FCAR: variants seen among roughly 807,000 people sequenced by gnomAD.
The protein encoded by FCAR is immunoglobulin alpha Fc receptor.
Under a neutral mutation model 27.1 loss-of-function variants are expected in FCAR, and 21 were observed. The ratio of observed to expected loss-of-function variants is 0.77; its 90% CI spans 0.55 to 1.11. The LOEUF is 1.11. Among genes scored for constraint, FCAR ranks in the 50% most tolerant of loss-of-function variants. FCAR has a pLI of 0.00. For synonymous variants in FCAR, 134 were observed against 135.8 expected (o/e 0.99, Z 0.09); for missense variants, 404 against 358.4 (o/e 1.13, Z -1.03).
At chr19:54,877,916 A>ATTTTTTTTTTTTTTTTTTTTT (rs757104692) in intron 2 of FCAR, among the ~76,000 whole-genome samples, 2 of 143,464 alleles carry the variant, frequency 1.4e-5, no homozygotes. Flanking sequence ...TTTGCTAAGG[A>ATTTTTTTTTTTTTTTTTTTTT]TTGTTTTTTT....
intron 2 of FCAR, among the ~76,000 whole-genome samples, chr19:54,878,001 C>T (rs1020046260): frequency 1.3e-5 from 2 of 151,364 alleles, no homozygotes; most frequent in Admixed American, 6.6e-5. Flanking sequence ...CTGCAAGCTC[C>T]GCCTCCCAGG....
At chr19:54,876,338 G>C (rs905940907) in intron 2 of FCAR, among the ~76,000 whole-genome samples, 1 of 152,130 alleles carries the variant, frequency 6.6e-6, no homozygotes, top group Non-Finnish European at 1.5e-5. Flanking sequence ...TTGCCTGATT[G>C]CTCTAGCTAG....
intron 2 of FCAR, among the ~76,000 whole-genome samples, chr19:54,879,450 T>C (rs1423421212): frequency 6.6e-6 from 1 of 152,180 alleles, no homozygotes; most frequent in African/African-American, 2.4e-5. Context: ...TGGTAATAAA[T>C]TCCCTCAGCA....
chr19:54,888,258 T>C lies in FCAR; in HGVS notation c.613T>C (p.Ser205Pro). The C allele has an allele frequency of 1.2e-6, 2 of 1,614,140 alleles. No homozygotes were observed. Among genetic ancestry groups the C allele is most frequent in the Non-Finnish European group, 1.7e-6 (2 of 1,180,014 alleles). ...GWYNRSPYLW[S>P]FPSNALELVV... ...GTACAACAGGAGCCCCTACCTGTGG[T>C]CCTTCCCCAGTAATGCCTTGGAGCT... Residue 205 changes from serine (S) to proline (P), a missense_variant, in exon 4 of 5, where the codon TCC becomes CCC. By Grantham distance (74) the Ser-to-Pro change is moderately conservative. Transcript: ENST00000355524.
chr19:54,886,031 G>A (rs781405359), intron 3 of FCAR, among the ~76,000 whole-genome samples: 3 of 151,786 alleles, frequency 2.0e-5, no homozygotes, highest in Non-Finnish European at 4.4e-5. Context: ...TGGATCACCT[G>A]AGGTCAGGAG....
At position 54,889,696 on chromosome 19, in the gene FCAR, G is replaced by T. The variant is rs780512814; in HGVS notation, c.697G>T (p.Val233Leu). The part of the protein sequence containing the change: ...YTTQNLIRMA[V>L]AGLVLVALLA... Reference sequence around the variant, plus strand: ...GACGCAGAACTTGATCCGCATGGCCGTGGCAGGACTGGTCCTCGTGGCTCT... The same window carrying T: ...GACGCAGAACTTGATCCGCATGGCCTTGGCAGGACTGGTCCTCGTGGCTCT... The change falls in exon 5 of 5, where the codon GTG (valine) becomes TTG (leucine). Residue 233 changes from valine (V) to leucine (L), a missense_variant. By Grantham distance (32) the Val-to-Leu change is conservative. Coordinates refer to ENST00000355524, the MANE Select transcript of FCAR (RefSeq NM_002000.4). 1.2e-6 allele frequency: 2 copies of T among 1,614,104 alleles called. No homozygotes were observed. The highest frequency in any genetic ancestry group is 2.2e-5 in the South Asian group (2 of 91,074).
intron 4 of FCAR, among the ~76,000 whole-genome samples, chr19:54,889,352 A>G (rs2145945938): frequency 7.0e-6 from 1 of 143,556 alleles, no homozygotes; most frequent in East Asian, 2.0e-4. Flanking sequence ...AGCCTGGGCA[A>G]CAGAGTGAGA....
At chr19:54,889,013 A>C in intron 4 of FCAR, 1 of 476,082 alleles carries the variant, frequency 2.1e-6, no homozygotes, top group Non-Finnish European at 2.7e-6. Flanking sequence ...TGTTGCAGTG[A>C]GCCAAGATCA....
At chr19:54,881,381 G>T (rs988910861) in intron 2 of FCAR, among the ~76,000 whole-genome samples, 1 of 152,120 alleles carries the variant, frequency 6.6e-6, no homozygotes, top group South Asian at 2.1e-4. Context: ...CAGTGGCAGC[G>T]GCAGAGTGAC....
chr19:54,889,705 CT>C lies in FCAR; in HGVS notation c.707del (p.Leu236ArgfsTer20), dbSNP rs760811654. 108 of 1,614,036 alleles carry C rather than the reference CT, an allele frequency of 6.7e-5. No individual in the cohort carries two copies. The highest frequency in any genetic ancestry group is 9.1e-5 in the Non-Finnish European group (107 of 1,180,028). ...QNLIRMAVAG[L>X]VLVALLAILV... Reference sequence around the variant, plus strand: ...CTTGATCCGCATGGCCGTGGCAGGACTGGTCCTCGTGGCTCTCTTGGCCATA... The same window carrying C: ...CTTGATCCGCATGGCCGTGGCAGGACGGTCCTCGTGGCTCTCTTGGCCATA... On this transcript the variant is annotated frameshift_variant, in exon 5 of 5. Coordinates refer to ENST00000355524, the MANE Select transcript of FCAR (RefSeq NM_002000.4). LOFTEE classifies it high-confidence loss of function.
intron 3 of FCAR, among the ~76,000 whole-genome samples, chr19:54,886,263 A>AC (rs748606699): frequency 5.4e-5 from 4 of 74,638 alleles, no homozygotes; most frequent in East Asian, 4.5e-4. Context: ...CACACACACA[A>AC]AAAGATTTCA....
chr19:54,889,567 G>T (rs151132237), intron 4 of FCAR, 82 bp from the exon 5 acceptor site: 2 of 1,197,914 alleles, frequency 1.7e-6, no homozygotes, highest in Non-Finnish European at 2.5e-6. Context: ...AAAGGAAAAT[G>T]AGCTCCCGTT....
At position 54,885,485 on chromosome 19, in the gene FCAR, C is replaced by T. The variant is rs2066665001; in HGVS notation, c.321C>T (p.Tyr107=). 7 of 1,613,380 alleles carry T rather than the reference C, an allele frequency of 4.3e-6. No individual in the cohort carries two copies. Among genetic ancestry groups the T allele is most frequent in the Middle Eastern group, 1.6e-4 (1 of 6,062 alleles). Residue 107 remains tyrosine (Y), a synonymous_variant, in exon 3 of 5, where the codon TAC becomes TAT. Coordinates refer to ENST00000355524, the MANE Select transcript of FCAR (RefSeq NM_002000.4). ...AGTGCCAATATAGGATAGGGCACTA[C>T]AGGTTCCGGTACAGTGACACCCTGG... ...RYQCQYRIGH[Y]RFRYSDTLEL...
At chr19:54,885,566 T>C in intron 3 of FCAR, 41 bp downstream of exon 3, 3 of 1,456,800 alleles carry the variant, frequency 2.1e-6, no homozygotes, top group Non-Finnish European at 2.8e-6. Flanking sequence ...GTGTGATTTT[T>C]TTCTTATTTT....
chr19:54,882,144 G>C (rs957393828), intron 2 of FCAR, among the ~76,000 whole-genome samples: 1 of 152,158 alleles, frequency 6.6e-6, no homozygotes, highest in African/African-American at 2.4e-5. Context: ...TAAAGTGGGG[G>C]TGGGAGCTCA....
At chr19:54,887,889 C>T (rs2145930068) in intron 3 of FCAR, 118 bp from the exon 4 acceptor site, 1 of 763,020 alleles carries the variant, frequency 1.3e-6, no homozygotes, top group East Asian at 2.9e-5. Flanking sequence ...TGCACTCCAG[C>T]TTGGGCAATA....
At chr19:54,883,736 C>T (rs2066545597) in intron 2 of FCAR, among the ~76,000 whole-genome samples, 2 of 151,968 alleles carry the variant, frequency 1.3e-5, no homozygotes, top group Non-Finnish European at 1.5e-5. Context: ...GGGCAGATTG[C>T]GAAGTCAGGA....
At chr19:54,879,853 T>C (rs1304063737) in intron 2 of FCAR, among the ~76,000 whole-genome samples, 1 of 152,070 alleles carries the variant, frequency 6.6e-6, no homozygotes, top group Non-Finnish European at 1.5e-5. Flanking sequence ...CCAGCTAATT[T>C]TTTATATTTT....
chr19:54,887,829 A>G (rs1185677942), intron 3 of FCAR, among the ~76,000 whole-genome samples, 178 bp from the exon 4 acceptor site: 1 of 150,684 alleles, frequency 6.6e-6, no homozygotes, highest in Non-Finnish European at 1.5e-5. Flanking sequence ...AGGCAGGAGA[A>G]TTGCTTGAAC....
Sources: gnomAD v4.1 joint callset for allele counts (sites outside exome capture counted in the v4.1 genomes callset) on GRCh38, gnomAD v4.1.1 for gene constraint, MANE v1.5 for transcripts, NCBI Gene and HGNC (gene_info 2026-07-23, HGNC 2026-07-21) for gene names.